SEL1L2: variants seen among roughly 807,000 people sequenced by gnomAD.
The protein encoded by SEL1L2 is SEL1L2 adaptor subunit of SYVN1 ubiquitin ligase.
A neutral mutation model predicts 98.8 loss-of-function variants in SEL1L2; 89 were observed. The ratio of observed to expected loss-of-function variants is 0.90; its 90% CI spans 0.76 to 1.07. The LOEUF is 1.07. Ranked by LOEUF, SEL1L2 falls within the 50% of genes least tolerant of loss-of-function variation. SEL1L2 has a pLI of 0.00. For synonymous variants in SEL1L2, 262 were observed against 278.5 expected (o/e 0.94, Z 0.59); for missense variants, 788 against 812.0 (o/e 0.97, Z 0.36).
chr20:13,946,766 G>A (rs1244930191), intron 2 of SEL1L2, among the ~76,000 whole-genome samples: 1 of 142,890 alleles, frequency 7.0e-6, no homozygotes, highest in Non-Finnish European at 1.5e-5. Context: ...GGAAGTGCCT[G>A]CTCCCACTGC....
rs75930649 is a variant in SEL1L2, at chr20:13,933,613, A to G, written c.115-1842T>C. On this transcript the variant is annotated intron_variant, in intron 2 of 19. Coordinates refer to ENST00000284951, the MANE Select transcript of SEL1L2 (RefSeq NM_025229.2). ...ATATATCAGCACTTCAATTCTTTCT[A>G]TGGCCAAATAAAATAATATGCTCCA... is the stretch of plus-strand genomic sequence containing the variant. Among the ~76,000 whole-genome samples, 1,324 of 152,196 alleles carry G rather than the reference A, an allele frequency of 8.7e-3. 27 individuals carry two copies. Among genetic ancestry groups the G allele is most frequent in the African/African-American group, 0.027 (1,129 of 41,532 alleles).
intron 1 of SEL1L2, among the ~76,000 whole-genome samples, chr20:13,981,884 G>A (rs1400775756): frequency 6.6e-6 from 1 of 152,186 alleles, no homozygotes. Flanking sequence ...CAATTCCATA[G>A]GTTATTCAAA....
intron 5 of SEL1L2, among the ~76,000 whole-genome samples, chr20:13,912,822 A>G (rs1274522266): frequency 6.6e-6 from 1 of 152,258 alleles, no homozygotes; most frequent in Non-Finnish European, 1.5e-5. Flanking sequence ...TTTATAGTTC[A>G]TGATCTTTTC....
chr20:13,885,301 C>T (rs2046897728), intron 10 of SEL1L2, 46 bp downstream of exon 10: 5 of 1,291,340 alleles, frequency 3.9e-6, no homozygotes, highest in Non-Finnish European at 5.6e-6. Flanking sequence ...CCTCCCTCAC[C>T]ACTACCTTCC....
At chr20:13,863,682 T>C (rs1430658327) in intron 17 of SEL1L2, among the ~76,000 whole-genome samples, 1 of 152,154 alleles carries the variant, frequency 6.6e-6, no homozygotes, top group Non-Finnish European at 1.5e-5. Flanking sequence ...AATATCAATG[T>C]ACTAGCTGGG....
At chr20:13,943,615 T>C (rs748322957) in intron 2 of SEL1L2, among the ~76,000 whole-genome samples, 27 of 152,166 alleles carry the variant, frequency 1.8e-4, no homozygotes, top group Non-Finnish European at 3.2e-4. Flanking sequence ...TAGCAAGCAC[T>C]TATTAAATTG....
At position 13,926,918 on chromosome 20, in the gene SEL1L2, G is replaced by A. The variant is rs2048932231; in HGVS notation, c.283+4685C>T. ...AAATTAATGATGATTAATTCTAAGG[G>A]GTGCCAGGAAGGACATGGCCTGTAG... is the stretch of plus-strand genomic sequence containing the variant. On this transcript the variant is annotated intron_variant, in intron 3 of 19. Transcript: ENST00000284951. Among the ~76,000 whole-genome samples the A allele has an allele frequency of 1.3e-5, 2 of 152,132 alleles. 1 individual carries two copies. The highest frequency in any genetic ancestry group is 4.1e-4 in the South Asian group (2 of 4,822).
At chr20:13,963,584 C>T (rs2050886607) in intron 1 of SEL1L2, among the ~76,000 whole-genome samples, 2 of 151,746 alleles carry the variant, frequency 1.3e-5, no homozygotes. Flanking sequence ...GGCGTAGTGG[C>T]ATATGCTTGT....
rs115485667 is a variant in SEL1L2, at chr20:13,905,259, C to T, written c.549+8523G>A. The stretch of plus-strand genomic sequence containing the variant: ...CACTAGAGGAAGTCATAAGATCTTA[C>T]GGGCTATCGTGTAGTAAATATGTTG... On this transcript the variant is annotated intron_variant, in intron 5 of 19. Transcript: ENST00000284951. Among the ~76,000 whole-genome samples, 1,487 of 151,334 alleles carry T rather than the reference C, an allele frequency of 9.8e-3. 20 individuals carry two copies. Among genetic ancestry groups the T allele is most frequent in the African/African-American group, 0.034 (1,394 of 41,224 alleles).
chr20:13,875,004 A>T (rs144869532), intron 12 of SEL1L2, among the ~76,000 whole-genome samples: 3 of 152,190 alleles, frequency 2.0e-5, no homozygotes, highest in Non-Finnish European at 4.4e-5. Context: ...GTCTTATCTG[A>T]CAGATACCAG....
chr20:13,917,778 C>A lies in SEL1L2; in HGVS notation c.386+1243G>T, dbSNP rs985087324. On this transcript the variant is annotated intron_variant, in intron 4 of 19. Transcript: ENST00000284951. ...CTCAGGGCCCATACTTTCTTTATTT[C>A]TTTCTTTCTTTTTTTTTTTTTTTTT... 1.6e-3 allele frequency among the ~76,000 whole-genome samples: 120 copies of A among 72,998 alleles called. 1 individual carries two copies. The highest frequency in any genetic ancestry group is 5.8e-3 in the African/African-American group (106 of 18,170). The allele number at this position is 72,998 out of a possible 152,430, so 47.9% of individuals were successfully genotyped here.
At chr20:13,954,711 C>G (rs1324294006) in intron 2 of SEL1L2, among the ~76,000 whole-genome samples, 1 of 152,098 alleles carries the variant, frequency 6.6e-6, no homozygotes, top group Non-Finnish European at 1.5e-5. Context: ...TGGGTCTGGG[C>G]AGCATCCTTG....
At position 13,902,970 on chromosome 20, in the gene SEL1L2, G is replaced by A. The variant is rs928465182; in HGVS notation, c.549+10812C>T. Among the ~76,000 whole-genome samples the A allele has an allele frequency of 3.3e-5, 5 of 151,876 alleles. No homozygotes were observed. The South Asian group carries it at 8.3e-4, about 25-fold the overall frequency. ...GTCTCTACTAAAAATACAAAAATTA[G>A]CTGGACCCACTGGTAGCGGGGGCTG... On this transcript the variant is annotated intron_variant, in intron 5 of 19. Coordinates refer to ENST00000284951, the MANE Select transcript of SEL1L2 (RefSeq NM_025229.2).
chr20:13,861,850 C>T (rs1009459270), intron 17 of SEL1L2, among the ~76,000 whole-genome samples: 12 of 152,186 alleles, frequency 7.9e-5, no homozygotes, highest in African/African-American at 2.2e-4. Flanking sequence ...CACTCTGACT[C>T]TTCCCGTGGC....
At chr20:13,878,948 G>T (rs2147927521) in intron 10 of SEL1L2, among the ~76,000 whole-genome samples, 1 of 152,290 alleles carries the variant, frequency 6.6e-6, no homozygotes, top group South Asian at 2.1e-4. Context: ...AAAAGACATT[G>T]TATCCAGTTC....
chr20:13,956,264 TAATTTA>T, intron 1 of SEL1L2, 133 bp from the exon 2 acceptor site: 1 of 554,416 alleles, frequency 1.8e-6, no homozygotes, highest in Non-Finnish European at 3.1e-6. Context: ...CAATAATTTA[TAATTTA>T]GAGTTCCTAA....
chr20:13,949,706 C>CA (rs893225926), intron 2 of SEL1L2, among the ~76,000 whole-genome samples: 14 of 132,282 alleles, frequency 1.1e-4, no homozygotes, highest in African/African-American at 3.5e-4. Context: ...ACCAAACAAA[C>CA]AAAAAAGAAC....
chr20:13,977,263 A>G (rs2051586246), intron 1 of SEL1L2, among the ~76,000 whole-genome samples: 1 of 152,208 alleles, frequency 6.6e-6, no homozygotes, highest in Non-Finnish European at 1.5e-5. Flanking sequence ...ATGAAGAGCA[A>G]GAAAGCCAAG....
At chr20:13,933,735 G>C (rs2049263278) in intron 2 of SEL1L2, among the ~76,000 whole-genome samples, 1 of 152,124 alleles carries the variant, frequency 6.6e-6, no homozygotes, top group Admixed American at 6.6e-5. Flanking sequence ...GTATCTAGCA[G>C]ACAGAAAGAG....
Sources: allele counts gnomAD v4.1 joint callset (sites outside exome capture counted in the v4.1 genomes callset), GRCh38; gene constraint gnomAD v4.1.1; transcripts MANE v1.5; gene names NCBI Gene and HGNC (gene_info 2026-07-23, HGNC 2026-07-21).